Variants in EGFLAM observed in about 807,000 individuals in gnomAD.
EGFLAM encodes EGF like, fibronectin type III and laminin G domains.
In EGFLAM, 79 loss-of-function variants were observed where a neutral mutation model predicts 113.1. The ratio of observed to expected loss-of-function variants is 0.70; its 90% CI spans 0.58 to 0.84. The LOEUF (loss-of-function observed/expected upper bound fraction) is 0.84. Among genes scored for constraint, EGFLAM ranks in the 40% least tolerant of loss-of-function variants. The pLI, the probability that EGFLAM is intolerant of heterozygous loss-of-function variation, is 0.00. For synonymous variants in EGFLAM, 504 were observed against 487.6 expected (o/e 1.03, Z -0.44); for missense variants, 1,265 against 1,291.6 (o/e 0.98, Z 0.32).
chr5:38,360,718 A>C (rs1739897599), intron 5 of EGFLAM, among the ~76,000 whole-genome samples: 1 of 152,192 alleles, frequency 6.6e-6, no homozygotes, highest in African/African-American at 2.4e-5. Flanking sequence ...GCCCTTAGTA[A>C]GTGCTCAATC....
chr5:38,336,825 C>T (rs891620786), intron 1 of EGFLAM, among the ~76,000 whole-genome samples: 2 of 151,186 alleles, frequency 1.3e-5, no homozygotes, highest in Non-Finnish European at 3.0e-5. Context: ...AACACACACA[C>T]GTACACACAC....
chr5:38,296,986 C>G (rs1758465710), intron 1 of EGFLAM, among the ~76,000 whole-genome samples: 1 of 151,956 alleles, frequency 6.6e-6, no homozygotes, highest in Admixed American at 6.6e-5. Flanking sequence ...AACAACCGAC[C>G]AGTACTCTTC....
intron 3 of EGFLAM, chr5:38,345,321 G>A (rs993841606): frequency 1.3e-5 from 2 of 152,220 alleles, no homozygotes; most frequent in African/African-American, 2.4e-5. Flanking sequence ...CTATATAAAT[G>A]AAAACTATAA....
intron 3 of EGFLAM, among the ~76,000 whole-genome samples, chr5:38,340,704 A>G (rs964741519): frequency 6.6e-6 from 1 of 152,296 alleles, no homozygotes. Context: ...CCAAAGCAGG[A>G]ACTTTCTGCA....
Position 38,406,858 on chromosome 5 carries a change from A to G in EGFLAM, c.859A>G (p.Asn287Asp), listed in dbSNP as rs1276123395. 2.5e-6 allele frequency: 4 copies of G among 1,613,890 alleles called. No individual in the cohort carries two copies. In the African/African-American group the frequency reaches 5.3e-5, roughly 22 times the overall value. ...VKPLPATKGG[N>D]KKFLVESKKM... ...ACCACTTCCTGCTACCAAAGGAGGG[A>G]ATAAGAAATTTTTGGTGGAAAGCAA... is the stretch of plus-strand genomic sequence containing the variant. The change falls in exon 8 of 22, where the codon AAT (asparagine) becomes GAT (aspartate). Residue 287 changes from asparagine (N) to aspartate (D), a missense_variant. Transcript: ENST00000322350.
intron 1 of EGFLAM, among the ~76,000 whole-genome samples, chr5:38,333,746 A>G (rs775669817): frequency 2.0e-5 from 3 of 151,994 alleles, no homozygotes; most frequent in Non-Finnish European, 2.9e-5. Context: ...CCCACTCTGT[A>G]GGTTGTCTGT....
intron 6 of EGFLAM, 52 bp from the exon 7 acceptor site, chr5:38,406,074 A>G (rs1185705730): frequency 1.4e-6 from 2 of 1,405,962 alleles, no homozygotes; most frequent in East Asian, 2.3e-5. Context: ...GCTAGACAAT[A>G]GTGCAAAGAA....
At chr5:38,461,025 T>G (rs1307549662) in intron 20 of EGFLAM, 1 of 152,232 alleles carries the variant, frequency 6.6e-6, no homozygotes, top group African/African-American at 2.4e-5. Context: ...ATCTTCATTT[T>G]ATGGATAAAA....
chr5:38,418,489 C>G (rs1165268505), intron 12 of EGFLAM, among the ~76,000 whole-genome samples: 1 of 152,190 alleles, frequency 6.6e-6, no homozygotes, highest in African/African-American at 2.4e-5. Context: ...TGCACCAAAC[C>G]CTGGTTCTGT....
At chr5:38,401,572 T>A (rs1001315503) in intron 6 of EGFLAM, among the ~76,000 whole-genome samples, 3 of 152,036 alleles carry the variant, frequency 2.0e-5, no homozygotes, top group African/African-American at 7.2e-5. Flanking sequence ...GTTTTCGGGG[T>A]CTTTGGATTG....
At chr5:38,361,019 T>C (rs1739906596) in intron 5 of EGFLAM, among the ~76,000 whole-genome samples, 1 of 134,066 alleles carries the variant, frequency 7.5e-6, no homozygotes, top group African/African-American at 3.6e-5. Context: ...CACGCCCAGC[T>C]AATTTTTTTT....
chr5:38,413,657 A>G (rs1741555607), intron 11 of EGFLAM, among the ~76,000 whole-genome samples: 1 of 152,180 alleles, frequency 6.6e-6, no homozygotes, highest in Non-Finnish European at 1.5e-5. Context: ...GTATTCTCCA[A>G]GGAAAAATGT....
At chr5:38,378,023 G>A (rs931838266) in intron 6 of EGFLAM, among the ~76,000 whole-genome samples, 1 of 152,166 alleles carries the variant, frequency 6.6e-6, no homozygotes, top group Admixed American at 6.5e-5. Context: ...AGAGAAGTAT[G>A]AGAGATGTTT....
intron 6 of EGFLAM, among the ~76,000 whole-genome samples, chr5:38,373,952 A>G (rs1367379810): frequency 6.6e-6 from 1 of 152,166 alleles, no homozygotes; most frequent in Admixed American, 6.5e-5. Context: ...AATCAAGTAA[A>G]CATTCATGTA....
Position 38,327,261 on chromosome 5 carries a change from G to A in EGFLAM, c.98-10259G>A, listed in dbSNP as rs551487371. On this transcript the variant is annotated intron_variant, in intron 1 of 21. Transcript: ENST00000322350. ...CCAACCCAACTGGTGCAAACTTCAC[G>A]AAGCAGTGTTATTTCGCAGATTTCC... Among the ~76,000 whole-genome samples the A allele has an allele frequency of 4.6e-5, 7 of 152,280 alleles. 1 individual carries two copies. In the South Asian group the frequency reaches 1.0e-3, roughly 23 times the overall value.
intron 1 of EGFLAM, among the ~76,000 whole-genome samples, chr5:38,310,987 C>A (rs1012331837): frequency 6.6e-6 from 1 of 151,984 alleles, no homozygotes; most frequent in African/African-American, 2.4e-5. Flanking sequence ...CACTGCCCTG[C>A]GACCCTTCCT....
intron 17 of EGFLAM, among the ~76,000 whole-genome samples, chr5:38,440,002 G>A (rs1236135518): frequency 6.6e-6 from 1 of 152,200 alleles, no homozygotes; most frequent in African/African-American, 2.4e-5. Context: ...CTCATTTCCT[G>A]CTGCAGAACA....
At chr5:38,367,423 A>T (rs1016354931) in intron 5 of EGFLAM, among the ~76,000 whole-genome samples, 41 of 148,264 alleles carry the variant, frequency 2.8e-4, no homozygotes, top group African/African-American at 9.4e-4. Flanking sequence ...TTTTTTTTTT[A>T]TTAAACATAG....
rs775403163 is a variant in EGFLAM at position 38,407,118 on chromosome 5, G to C, written c.1119G>C (p.Leu373=). ...TWGGSRCQCT[L]GKGGESCSED... is the part of the protein sequence containing the mutation. ...GGGGCTCGCGATGCCAGTGCACCCT[G>C]GGCAAAGGTGGTGAGAGCTGCTCAG... Residue 373 remains leucine (L), a synonymous_variant, in exon 8 of 22, where the codon CTG becomes CTC. Coordinates refer to ENST00000322350, the MANE Select transcript of EGFLAM (RefSeq NM_152403.4). 1.2e-6 allele frequency: 2 copies of C among 1,613,886 alleles called. No individual in the cohort carries two copies. The highest frequency in any genetic ancestry group is 8.5e-7 in the Non-Finnish European group (1 of 1,180,016).
Sources: gnomAD v4.1 joint callset for allele counts (sites outside exome capture counted in the v4.1 genomes callset) on GRCh38, gnomAD v4.1.1 for gene constraint, MANE v1.5 for transcripts, NCBI Gene and HGNC (gene_info 2026-07-23, HGNC 2026-07-21) for gene names.